The following NMNAT2 variants were observed in gnomAD, a reference collection of about 807,000 sequenced individuals.
NMNAT2 encodes the protein nicotinamide nucleotide adenylyltransferase 2.
NMNAT2 carries 11 observed loss-of-function variants against 41.6 expected under a neutral mutation model. That is an observed-to-expected ratio of 0.26 (90% CI 0.17 to 0.44). The LOEUF (loss-of-function observed/expected upper bound fraction) is 0.44. Ranked by LOEUF, NMNAT2 falls within the 20% of genes least tolerant of loss-of-function variation. NMNAT2 has a pLI of 1.00. For synonymous variants in NMNAT2, 148 were observed against 151.2 expected, an observed-to-expected ratio of 0.98 and a Z score of 0.16; for missense variants, 288 against 407.7, an observed-to-expected ratio of 0.71 and a Z score of 2.53.
At chr1:183,262,674 G>A (rs780662185) in intron 8 of NMNAT2, among the ~76,000 whole-genome samples, 1 of 152,124 alleles carries the variant, frequency 6.6e-6, no homozygotes, top group Non-Finnish European at 1.5e-5. Flanking sequence ...TGGATAAAAG[G>A]ATATAAACTG....
At chr1:183,277,725 G>T (rs140201866) in intron 8 of NMNAT2, among the ~76,000 whole-genome samples, 1 of 151,932 alleles carries the variant, frequency 6.6e-6, no homozygotes, top group Admixed American at 6.6e-5. Context: ...ATAGTACAAC[G>T]TTTCTTTAAA....
At chr1:183,343,072 G>C (rs576251250) in intron 1 of NMNAT2, among the ~76,000 whole-genome samples, 3 of 152,108 alleles carry the variant, frequency 2.0e-5, no homozygotes, top group Non-Finnish European at 2.9e-5. Context: ...TGCAATGCAA[G>C]ATGTTTTGTC....
chr1:183,321,882 G>A (rs926441442), intron 1 of NMNAT2, among the ~76,000 whole-genome samples: 4 of 152,126 alleles, frequency 2.6e-5, no homozygotes, highest in African/African-American at 4.8e-5. Context: ...GCAGTGGTGC[G>A]ATCACAGCTC....
intron 1 of NMNAT2, among the ~76,000 whole-genome samples, chr1:183,300,459 G>A (rs1431067565): frequency 2.0e-5 from 3 of 149,822 alleles, no homozygotes; most frequent in Non-Finnish European, 3.0e-5. Flanking sequence ...ATCAGGAACA[G>A]GCCTTCACCA....
intron 1 of NMNAT2, among the ~76,000 whole-genome samples, chr1:183,310,466 C>A (rs2102323632): frequency 6.6e-6 from 1 of 152,318 alleles, no homozygotes; most frequent in South Asian, 2.1e-4. Flanking sequence ...ATGCATCCAG[C>A]CTGCTCTGGT....
chr1:183,256,018 G>A (rs1660507411), intron 10 of NMNAT2, among the ~76,000 whole-genome samples: 1 of 152,132 alleles, frequency 6.6e-6, no homozygotes. Flanking sequence ...AGTGGGAATA[G>A]TGGGCATTCT....
chr1:183,309,558 A>G (rs1452699482), intron 1 of NMNAT2, among the ~76,000 whole-genome samples: 1 of 152,234 alleles, frequency 6.6e-6, no homozygotes, highest in Non-Finnish European at 1.5e-5. Flanking sequence ...GCCTACAGTA[A>G]GTGGAGAGTA....
At chr1:183,350,991 A>C (rs1663034126) in intron 1 of NMNAT2, among the ~76,000 whole-genome samples, 1 of 152,280 alleles carries the variant, frequency 6.6e-6, no homozygotes, top group Non-Finnish European at 1.5e-5. Context: ...GTCGCCATGG[A>C]ATCTTGTGCT....
chr1:183,362,208 G>C (rs1392143895), intron 1 of NMNAT2, among the ~76,000 whole-genome samples: 1 of 152,124 alleles, frequency 6.6e-6, no homozygotes, highest in Non-Finnish European at 1.5e-5. Flanking sequence ...CAAAGTGCTA[G>C]GATTACGGGC....
At chr1:183,416,677 T>C (rs1366394780) in intron 1 of NMNAT2, among the ~76,000 whole-genome samples, 1 of 152,212 alleles carries the variant, frequency 6.6e-6, no homozygotes, top group Admixed American at 6.5e-5. Flanking sequence ...CCTCCTTCTA[T>C]CGTGTAGATA....
intron 1 of NMNAT2, among the ~76,000 whole-genome samples, chr1:183,400,702 C>G (rs985578913): frequency 2.6e-5 from 4 of 152,206 alleles, no homozygotes; most frequent in South Asian, 2.1e-4. Flanking sequence ...CATGGTACTG[C>G]TACCAAAACA....
At position 183,252,483 on chromosome 1, in the gene NMNAT2, T is replaced by C; in HGVS notation, c.*158A>G. 4.6e-6 allele frequency: 2 copies of C among 433,588 alleles called. No individual in the cohort carries two copies. Among genetic ancestry groups the C allele is most frequent in the Non-Finnish European group, 9.2e-6 (2 of 216,500 alleles). 26.9% of individuals were successfully genotyped at this position (433,588 alleles called of 1,614,324 possible). On this transcript the variant is annotated 3_prime_UTR_variant, in exon 11 of 11. Transcript: ENST00000287713. The stretch of plus-strand genomic sequence containing the variant: ...CCAAAGATGACTGTGGAATAGGGAA[T>C]GCCATGGTTCTCTGCAGGTCCCCCA...
chr1:183,284,824 T>G (rs603850), intron 5 of NMNAT2, 34 bp from the exon 6 acceptor site: 638,904 of 1,578,156 alleles, frequency 0.4, 131,512 homozygotes, highest in African/African-American at 0.58. Flanking sequence ...AGGGACAGAG[T>G]GGGAGAGAAC....
chr1:183,259,171 C>T (rs12565393), intron 10 of NMNAT2, among the ~76,000 whole-genome samples: 18,232 of 152,110 alleles, frequency 0.12, 1,125 homozygotes, highest in East Asian at 0.2. Flanking sequence ...AGCCCACCCC[C>T]CATATATTCT....
intron 1 of NMNAT2, among the ~76,000 whole-genome samples, chr1:183,376,006 C>CT (rs200119673): frequency 1.3e-5 from 1 of 77,200 alleles, no homozygotes; most frequent in Non-Finnish European, 2.9e-5. Context: ...TGGTCACTCA[C>CT]TAATGCTATT....
intron 1 of NMNAT2, among the ~76,000 whole-genome samples, chr1:183,326,140 C>T (rs1662457680): frequency 6.6e-6 from 1 of 152,012 alleles, no homozygotes; most frequent in African/African-American, 2.4e-5. Context: ...CTTTGGGAGG[C>T]CGAGCTGGGT....
At chr1:183,399,378 T>G (rs758217659) in intron 1 of NMNAT2, among the ~76,000 whole-genome samples, 1 of 152,154 alleles carries the variant, frequency 6.6e-6, no homozygotes, top group Non-Finnish European at 1.5e-5. Context: ...GTTGAATCCT[T>G]GAATAGACCA....
chr1:183,255,688 G>A (rs1425689442), intron 10 of NMNAT2, among the ~76,000 whole-genome samples: 1 of 122,386 alleles, frequency 8.2e-6, no homozygotes, highest in East Asian at 2.7e-4. Flanking sequence ...TTTTCAGACA[G>A]AGTCTCACTC....
intron 1 of NMNAT2, among the ~76,000 whole-genome samples, chr1:183,407,433 T>G (rs889853233): frequency 2.0e-5 from 3 of 152,236 alleles, no homozygotes; most frequent in Non-Finnish European, 4.4e-5. Flanking sequence ...ATTTTCTGGT[T>G]CCTAAATGCT....
Sources: gnomAD v4.1 joint callset for allele counts (sites outside exome capture counted in the v4.1 genomes callset) on GRCh38, gnomAD v4.1.1 for gene constraint, MANE v1.5 for transcripts, NCBI Gene and HGNC (gene_info 2026-07-23, HGNC 2026-07-21) for gene names.